The following ARL5A variants were observed in gnomAD, a reference collection of about 807,000 sequenced individuals.
ARL5A encodes the protein ADP-ribosylation factor-like protein 5A.
Under a neutral mutation model 25.9 loss-of-function variants are expected in ARL5A, and 18 were observed. That is an observed-to-expected ratio of 0.69 (90% CI 0.48 to 1.03). The LOEUF (loss-of-function observed/expected upper bound fraction) is 1.03. Among genes scored for constraint, ARL5A ranks in the 50% least tolerant of loss-of-function variants. The probability of loss-of-function intolerance (pLI) is 0.00; values close to 1 mark genes in which losing one functional copy is unlikely to be tolerated. For missense variants in ARL5A, 170 were observed against 211.9 expected, an observed-to-expected ratio of 0.80 and a Z score of 1.23; for synonymous variants, 61 against 67.5, an observed-to-expected ratio of 0.90 and a Z score of 0.47.
At chr2:151,813,909 TA>T (rs1032583245) in intron 3 of ARL5A, among the ~76,000 whole-genome samples, 33 of 151,902 alleles carry the variant, frequency 2.2e-4, no homozygotes, top group African/African-American at 7.2e-4. Flanking sequence ...TGGAAGTCAT[TA>T]AAAAAAACTA....
At chr2:151,805,072 C>T (rs957819809) in intron 5 of ARL5A, among the ~76,000 whole-genome samples, 3 of 152,036 alleles carry the variant, frequency 2.0e-5, no homozygotes, top group African/African-American at 7.2e-5. Flanking sequence ...TCCTAGATGA[C>T]GTGTCTTTAT....
intron 1 of ARL5A, among the ~76,000 whole-genome samples, chr2:151,817,028 T>C (rs944763870): frequency 6.6e-6 from 1 of 152,238 alleles, no homozygotes; most frequent in African/African-American, 2.4e-5. Flanking sequence ...AACAAGTTTA[T>C]TGGCACATAA....
At chr2:151,813,198 T>G (rs2099831082) in intron 3 of ARL5A, among the ~76,000 whole-genome samples, 1 of 152,222 alleles carries the variant, frequency 6.6e-6, no homozygotes, top group South Asian at 2.1e-4. Context: ...TATTTATTTT[T>G]GGGACCTAGA....
In ARL5A at chr2:151,800,349, C is replaced by T. The variant is rs1000483717; in HGVS notation, c.*2927G>A. ...AAAAGGAAAACAATGTCAGGGACTT[C>T]ATGCCTTTGCTCAAGCTCTGTGCAT... On this transcript the variant is annotated 3_prime_UTR_variant, in exon 6 of 6. Coordinates refer to ENST00000295087, the MANE Select transcript of ARL5A (RefSeq NM_012097.4). 15 of 152,186 alleles carry T rather than the reference C, an allele frequency of 9.9e-5. No homozygotes were observed. Among genetic ancestry groups the T allele is most frequent in the African/African-American group, 2.9e-4 (12 of 41,440 alleles). The allele number at this position is 152,186 out of a possible 1,614,324, so 9.4% of individuals were successfully genotyped here. A position where few individuals can be genotyped will look rare whatever the true frequency, so the allele number is the denominator to read the frequency against.
intron 1 of ARL5A, among the ~76,000 whole-genome samples, chr2:151,816,850 A>G (rs2099831577): frequency 6.6e-6 from 1 of 152,238 alleles, no homozygotes; most frequent in South Asian, 2.1e-4. Flanking sequence ...TAACGAGGGT[A>G]AACAACCAAT....
Position 151,812,386 on chromosome 2 carries a change from C to G in ARL5A, c.310G>C (p.Glu104Gln). 1 of 1,606,292 alleles carries G rather than the reference C, an allele frequency of 6.2e-7. No homozygotes were observed. The part of the protein sequence containing the change: ...TDRERISVTR[E>Q]ELYKMLAHED... ...TGCGCTAACATTTTATAGAGTTCTT[C>G]TCTAGTTACAGAAATCCTCTCTCTG... The change falls in exon 4 of 6, where the codon GAA becomes CAA. Residue 104 changes from glutamate (E) to glutamine (Q), a missense_variant. By Grantham distance (29) the Glu-to-Gln change is conservative. Transcript: ENST00000295087.
At chr2:151,822,142 C>A (rs188492489) in intron 1 of ARL5A, among the ~76,000 whole-genome samples, 5 of 152,186 alleles carry the variant, frequency 3.3e-5, no homozygotes, top group African/African-American at 1.2e-4. Flanking sequence ...ACCACCTGCA[C>A]GTGAATCATC....
chr2:151,813,726 C>T (rs2099831143), intron 3 of ARL5A, among the ~76,000 whole-genome samples: 1 of 152,146 alleles, frequency 6.6e-6, no homozygotes, highest in Non-Finnish European at 1.5e-5. Flanking sequence ...AAAGATATGA[C>T]TATGTCTAAA....
At chr2:151,812,995 G>C (rs1344398618) in intron 3 of ARL5A, among the ~76,000 whole-genome samples, 1 of 152,108 alleles carries the variant, frequency 6.6e-6, no homozygotes, top group Non-Finnish European at 1.5e-5. Flanking sequence ...CTGATGATGA[G>C]ACTGGTATCA....
At chr2:151,814,900 A>G (rs905476738) in intron 2 of ARL5A, among the ~76,000 whole-genome samples, 3 of 152,114 alleles carry the variant, frequency 2.0e-5, no homozygotes, top group Non-Finnish European at 4.4e-5. Flanking sequence ...TCTACAAACA[A>G]AAGAGCTTTA....
intron 1 of ARL5A, among the ~76,000 whole-genome samples, chr2:151,827,023 A>T (rs1370438182): frequency 6.6e-6 from 1 of 152,222 alleles, no homozygotes; most frequent in Non-Finnish European, 1.5e-5. Context: ...CAGCTAGATC[A>T]TGAAGGAGGA....
intron 4 of ARL5A, among the ~76,000 whole-genome samples, chr2:151,811,408 A>G (rs554415419): frequency 3.9e-5 from 6 of 152,272 alleles, no homozygotes; most frequent in African/African-American, 1.4e-4. Flanking sequence ...AGCATCTGCA[A>G]TAAGATATCC....
intron 1 of ARL5A, among the ~76,000 whole-genome samples, chr2:151,823,487 A>G (rs1272758090): frequency 2.0e-5 from 3 of 152,214 alleles, no homozygotes; most frequent in Non-Finnish European, 2.9e-5. Context: ...ATCAGGAGGC[A>G]GAAATCACAC....
intron 1 of ARL5A, among the ~76,000 whole-genome samples, chr2:151,824,331 T>G (rs1233717421): frequency 3.9e-5 from 6 of 152,202 alleles, no homozygotes; most frequent in Non-Finnish European, 7.3e-5. Context: ...TTAAACTCAT[T>G]TTTTACTTAC....
Position 151,800,880 on chromosome 2 carries a change from T to C in ARL5A, c.*2396A>G, listed in dbSNP as rs2099829326. On this transcript the variant is annotated 3_prime_UTR_variant, in exon 6 of 6. Coordinates refer to ENST00000295087, the MANE Select transcript of ARL5A (RefSeq NM_012097.4). ...TTGTTCTTCTCAGAGCTGAACACAA[T>C]GACTCCACGAGATGTTTTCACTCAG... 1 of 152,602 alleles carries C rather than the reference T, an allele frequency of 6.6e-6. No individual in the cohort carries two copies. Among genetic ancestry groups the C allele is most frequent in the Admixed American group, 6.5e-5 (1 of 15,274 alleles). The allele number at this position is 152,602 out of a possible 1,614,324, so 9.5% of individuals were successfully genotyped here. A position where few individuals can be genotyped will look rare whatever the true frequency, so the allele number is the denominator to read the frequency against.
At chr2:151,820,932 A>C (rs559851690) in intron 1 of ARL5A, among the ~76,000 whole-genome samples, 2 of 152,146 alleles carry the variant, frequency 1.3e-5, no homozygotes, top group Non-Finnish European at 2.9e-5. Flanking sequence ...CAAGGTCTGA[A>C]GCTTTGGAGG....
intron 1 of ARL5A, among the ~76,000 whole-genome samples, chr2:151,818,528 C>T (rs2099831831): frequency 6.6e-6 from 1 of 152,192 alleles, no homozygotes; most frequent in Admixed American, 6.5e-5. Flanking sequence ...CCTCCCGCCT[C>T]AGCCTCAAAA....
chr2:151,816,004 T>C (rs1386121873), intron 1 of ARL5A, among the ~76,000 whole-genome samples: 5 of 152,214 alleles, frequency 3.3e-5, no homozygotes, highest in Admixed American at 6.5e-5. Context: ...TGGATAGTCA[T>C]GCCCTTACGT....
chr2:151,820,533 A>G (rs2099832134), intron 1 of ARL5A, among the ~76,000 whole-genome samples: 1 of 151,738 alleles, frequency 6.6e-6, no homozygotes, highest in South Asian at 2.1e-4. Context: ...GGTGGCACAC[A>G]CTTGTGGTCC....
Sources: allele counts gnomAD v4.1 joint callset (sites outside exome capture counted in the v4.1 genomes callset), GRCh38; gene constraint gnomAD v4.1.1; transcripts MANE v1.5; gene names NCBI Gene and HGNC (gene_info 2026-07-23, HGNC 2026-07-21).